Variants in WWOX observed in about 807,000 individuals in gnomAD.
The protein encoded by WWOX is WW domain containing oxidoreductase.
Under a neutral mutation model 46.2 loss-of-function variants are expected in WWOX, and 69 were observed. That is an observed-to-expected ratio of 1.49 (90% confidence interval 1.23 to 1.82). The LOEUF (loss-of-function observed/expected upper bound fraction) is 1.82. Among genes scored for constraint, WWOX ranks in the 40% most tolerant of loss-of-function variants. The pLI, the probability that WWOX is intolerant of heterozygous loss-of-function variation, is 0.00. For synonymous variants in WWOX, 359 were observed against 202.6 expected (o/e 1.77, Z -6.56); for missense variants, 919 against 542.6 (o/e 1.69, Z -6.89).
chr16:78,453,007 G>A (rs1449912211), intron 8 of WWOX, among the ~76,000 whole-genome samples: 8 of 151,570 alleles, frequency 5.3e-5, no homozygotes, highest in Non-Finnish European at 8.8e-5. Context: ...TCAGCCTCCC[G>A]AGTAGCTGGG....
chr16:79,201,544 C>G (rs2051352416), intron 8 of WWOX, among the ~76,000 whole-genome samples: 1 of 152,030 alleles, frequency 6.6e-6, no homozygotes, highest in African/African-American at 2.4e-5. Context: ...TAAAAAAGTC[C>G]CGAAGGAAAC....
Position 79,033,857 on chromosome 16 carries a change from A to C in WWOX, c.1057-177751A>C, listed in dbSNP as rs946308241. On this transcript the variant is annotated intron_variant, in intron 8 of 8. Coordinates refer to ENST00000566780, the MANE Select transcript of WWOX (RefSeq NM_016373.4). ...GTGGCTGACTTATTTATGATACTGG[A>C]TTCTCAGCATCATGGGAGTTAGGAC... is the stretch of plus-strand genomic sequence containing the variant. Among the ~76,000 whole-genome samples, 6 of 152,276 alleles carry C rather than the reference A, an allele frequency of 3.9e-5. 1 individual carries two copies. Among genetic ancestry groups the C allele is most frequent in the Admixed American group, 2.6e-4 (4 of 15,286 alleles).
intron 8 of WWOX, among the ~76,000 whole-genome samples, chr16:78,679,119 G>A (rs934440575): frequency 1.1e-4 from 17 of 152,200 alleles, no homozygotes; most frequent in African/African-American, 3.9e-4. Context: ...AGACACCAGC[G>A]TCTTGGACCT....
rs190297933 is a variant in WWOX, at chr16:78,499,602, G to A, written c.1056+66850G>A. Among the ~76,000 whole-genome samples the A allele has an allele frequency of 6.7e-3, 1,023 of 152,248 alleles. 18 individuals are homozygous for A. The highest frequency in any genetic ancestry group is 0.024 in the African/African-American group (978 of 41,548). On this transcript the variant is annotated intron_variant, in intron 8 of 8. Transcript: ENST00000566780. ...CCTCCTGGCCCAGGGCCCCTTTGCC[G>A]GCTCTTAGTGTAGAGCACTAGTTGT...
intron 8 of WWOX, chr16:79,106,874 C>A: frequency 7.2e-6 from 1 of 139,800 alleles, no homozygotes; most frequent in South Asian, 2.3e-4. Flanking sequence ...GTGGCACCAT[C>A]TCTGCTCACT....
At chr16:78,836,440 T>C (rs754401279) in intron 8 of WWOX, among the ~76,000 whole-genome samples, 5 of 152,194 alleles carry the variant, frequency 3.3e-5, no homozygotes, top group Non-Finnish European at 2.9e-5. Flanking sequence ...AAGGACATAC[T>C]ACTGTGGACC....
At chr16:78,753,439 A>T (rs974030877) in intron 8 of WWOX, among the ~76,000 whole-genome samples, 2 of 152,190 alleles carry the variant, frequency 1.3e-5, no homozygotes, top group African/African-American at 4.8e-5. Context: ...CTGTGTCTTA[A>T]GATACTTCTC....
At chr16:78,734,440 C>G (rs1014457007) in intron 8 of WWOX, among the ~76,000 whole-genome samples, 11 of 152,178 alleles carry the variant, frequency 7.2e-5, no homozygotes, top group African/African-American at 1.7e-4. Flanking sequence ...ATGAATCAAC[C>G]TATTTAACCT....
intron 8 of WWOX, among the ~76,000 whole-genome samples, chr16:79,045,085 T>G (rs1369867286): frequency 2.6e-5 from 4 of 152,234 alleles, no homozygotes; most frequent in Non-Finnish European, 5.9e-5. Flanking sequence ...CTCCAAATGT[T>G]AGATTTTGCC....
At chr16:78,649,696 T>C (rs2046923020) in intron 8 of WWOX, among the ~76,000 whole-genome samples, 1 of 152,252 alleles carries the variant, frequency 6.6e-6, no homozygotes, top group African/African-American at 2.4e-5. Flanking sequence ...GCTAAAATTA[T>C]TTGTTACTGT....
At chr16:78,104,607 A>G (rs76807205) in intron 1 of WWOX, among the ~76,000 whole-genome samples, 2,439 of 152,258 alleles carry the variant, frequency 0.016, 69 homozygotes, top group African/African-American at 0.053. Context: ...GATTACTCTT[A>G]ATTATCTTTT....
chr16:78,487,674 C>T (rs771851200), intron 8 of WWOX, among the ~76,000 whole-genome samples: 3 of 152,054 alleles, frequency 2.0e-5, no homozygotes, highest in Non-Finnish European at 4.4e-5. Context: ...CATTAGATAC[C>T]ATCTCTCCCA....
At chr16:79,092,377 T>G (rs776993751) in intron 8 of WWOX, among the ~76,000 whole-genome samples, 1 of 152,188 alleles carries the variant, frequency 6.6e-6, no homozygotes, top group Non-Finnish European at 1.5e-5. Context: ...TAGCCTGTGG[T>G]CTTTAATATT....
At chr16:79,021,419 A>T (rs1411184975) in intron 8 of WWOX, among the ~76,000 whole-genome samples, 1 of 152,134 alleles carries the variant, frequency 6.6e-6, no homozygotes, top group African/African-American at 2.4e-5. Context: ...ATGGTTTTGA[A>T]TACATAAAAC....
chr16:79,135,756 A>G (rs955722875), intron 8 of WWOX, among the ~76,000 whole-genome samples: 1 of 152,174 alleles, frequency 6.6e-6, no homozygotes, highest in Non-Finnish European at 1.5e-5. Flanking sequence ...TATAGCTATC[A>G]GTCGTGTAAA....
chr16:78,222,252 T>A (rs2036911639), intron 5 of WWOX, among the ~76,000 whole-genome samples: 1 of 151,974 alleles, frequency 6.6e-6, no homozygotes, highest in Admixed American at 6.6e-5. Flanking sequence ...GCCAAGTGTT[T>A]TCCAGTTCAT....
In WWOX at chr16:78,655,969, G is replaced by A. The variant is rs543327556; in HGVS notation, c.1056+223217G>A. Among the ~76,000 whole-genome samples, 4 of 152,200 alleles carry A rather than the reference G, an allele frequency of 2.6e-5. No individual in the cohort carries two copies. The South Asian group carries it at 6.2e-4, about 24-fold the overall frequency. ...AATGCACAGCCTGGGGAGAAGCCTTGGTTTTGCCAGGGGGAAAAAAAGAGA... is the reference window on the plus strand; with the variant it reads ...AATGCACAGCCTGGGGAGAAGCCTTAGTTTTGCCAGGGGGAAAAAAAGAGA... On this transcript the variant is annotated intron_variant, in intron 8 of 8. Transcript: ENST00000566780.
rs73577409 is a variant in WWOX at position 78,810,739 on chromosome 16, C to G, written c.1056+377987C>G. ...GGTGGGAATATAAACTAGATTTGCT[C>G]CCTTCTGTAGGAATAACTCTATGAA... On this transcript the variant is annotated intron_variant, in intron 8 of 8. Coordinates refer to ENST00000566780, the MANE Select transcript of WWOX (RefSeq NM_016373.4). Among the ~76,000 whole-genome samples, 542 of 152,206 alleles carry G rather than the reference C, an allele frequency of 3.6e-3. 4 individuals carry two copies. Among genetic ancestry groups the G allele is most frequent in the African/African-American group, 0.013 (523 of 41,534 alleles).
intron 8 of WWOX, among the ~76,000 whole-genome samples, chr16:79,043,215 A>G (rs539194225): frequency 6.6e-5 from 10 of 152,282 alleles, no homozygotes; most frequent in East Asian, 5.8e-4. Flanking sequence ...AAAAAAATCT[A>G]TGTATAACTT....
Sources: gnomAD v4.1 joint callset for allele counts (sites outside exome capture counted in the v4.1 genomes callset) on GRCh38, gnomAD v4.1.1 for gene constraint, MANE v1.5 for transcripts, NCBI Gene and HGNC (gene_info 2026-07-23, HGNC 2026-07-21) for gene names.